Variants in B3GNT3 observed in about 807,000 individuals in gnomAD.
B3GNT3 encodes UDP-GlcNAc:betaGal beta-1,3-N-acetylglucosaminyltransferase 3, also known as N-acetyllactosaminide beta-1,3-N-acetylglucosaminyltransferase 3.
Under a neutral mutation model 11.6 loss-of-function variants are expected in B3GNT3, and 7 were observed. That is an observed-to-expected ratio of 0.60 (90% CI 0.34 to 1.13). The LOEUF is 1.13. B3GNT3 is among the 50% of genes most tolerant of loss of function. B3GNT3 has a pLI of 0.03. For synonymous variants in B3GNT3, 201 were observed against 222.1 expected (o/e 0.90, Z 0.85); for missense variants, 400 against 507.4 (o/e 0.79, Z 2.03).
chr19:17,808,062 G>A lies in B3GNT3; in HGVS notation c.255G>A (p.Leu85=). 1 of 1,611,110 alleles carries A rather than the reference G, an allele frequency of 6.2e-7. No homozygotes were observed. The highest frequency in any genetic ancestry group is 8.5e-7 in the Non-Finnish European group (1 of 1,179,692). ...CGCAGCACGTTCAGAACTTCCTCCTGTACAGACACTGCCGCCACTTTCCCC... is the reference window on the plus strand; with the variant it reads ...CGCAGCACGTTCAGAACTTCCTCCTATACAGACACTGCCGCCACTTTCCCC... The part of the protein sequence containing the change: ...TQPQHVQNFL[L]YRHCRHFPLL... The change falls in exon 2 of 3, where the codon CTG becomes CTA. Residue 85 remains leucine (L), a synonymous_variant. Transcript: ENST00000318683.
At chr19:17,807,643 G>C (rs148236192) in intron 1 of B3GNT3, 115 bp from the exon 2 acceptor site, 1 of 656,070 alleles carries the variant, frequency 1.5e-6, no homozygotes, top group Non-Finnish European at 2.6e-6. Context: ...TAAGTGGGGG[G>C]TGAATTTCAA....
In B3GNT3 at chr19:17,807,804, C is replaced by A; in HGVS notation, c.-4C>A. 1 of 1,602,370 alleles carries A rather than the reference C, an allele frequency of 6.2e-7. No individual in the cohort carries two copies. The highest frequency in any genetic ancestry group is 1.3e-5 in the African/African-American group (1 of 74,854). ...AGGCCGACCCCAGACCCTGGCTGGC[C>A]AGGATGAAGTATCTCCGGCACCGGC... On this transcript the variant is annotated 5_prime_UTR_variant, in exon 2 of 3. Coordinates refer to ENST00000318683, the MANE Select transcript of B3GNT3 (RefSeq NM_014256.4).
intron 1 of B3GNT3, among the ~76,000 whole-genome samples, chr19:17,803,413 G>A (rs927697458): frequency 1.3e-5 from 2 of 152,192 alleles, no homozygotes; most frequent in Non-Finnish European, 2.9e-5. Flanking sequence ...CCCAGGCGGT[G>A]GCTTCTGGGT....
chr19:17,799,039 G>A (rs1039344214), intron 1 of B3GNT3, among the ~76,000 whole-genome samples: 3 of 152,122 alleles, frequency 2.0e-5, no homozygotes, highest in African/African-American at 4.8e-5. Context: ...AAAGGCCACT[G>A]CTTGGAGCTA....
intron 1 of B3GNT3, among the ~76,000 whole-genome samples, chr19:17,806,494 C>T (rs944391582): frequency 6.6e-6 from 1 of 152,056 alleles, no homozygotes; most frequent in Non-Finnish European, 1.5e-5. Context: ...CCTGTCTGTG[C>T]CCCAGGTGGC....
At chr19:17,795,603 G>A (rs980829638) in intron 1 of B3GNT3, among the ~76,000 whole-genome samples, 1 of 152,204 alleles carries the variant, frequency 6.6e-6, no homozygotes, top group Non-Finnish European at 1.5e-5. Flanking sequence ...GGGGTCCCCG[G>A]TTGGGTTTGG....
intron 1 of B3GNT3, among the ~76,000 whole-genome samples, chr19:17,805,400 A>T (rs2094171913): frequency 6.6e-6 from 1 of 152,044 alleles, no homozygotes; most frequent in Admixed American, 6.6e-5. Flanking sequence ...TGCCCAGCCC[A>T]CAGGGGACTT....
intron 1 of B3GNT3, among the ~76,000 whole-genome samples, chr19:17,802,836 C>T (rs1268244324): frequency 6.6e-6 from 1 of 151,936 alleles, no homozygotes; most frequent in Non-Finnish European, 1.5e-5. Context: ...CACCACCATA[C>T]TCAGCTAATT....
chr19:17,811,173 C>T lies in B3GNT3; in HGVS notation c.568-398C>T, dbSNP rs933293043. On this transcript the variant is annotated intron_variant, in intron 2 of 2. Transcript: ENST00000318683. This position sits in a 1 kb window ranked among gnomAD's most constrained non-coding sequence, Gnocchi z 4.1. ...AGGCTGCAATGAACTATGATCATAG[C>T]GCTACACTCTAGCCTGGGCAATAGA... Among the ~76,000 whole-genome samples, 7 of 152,234 alleles carry T rather than the reference C, an allele frequency of 4.6e-5. No individual in the cohort carries two copies. The highest frequency in any genetic ancestry group is 3.4e-3 in the Middle Eastern group (1 of 294).
chr19:17,798,746 G>A (rs2094162363), intron 1 of B3GNT3, among the ~76,000 whole-genome samples: 1 of 151,952 alleles, frequency 6.6e-6, no homozygotes, highest in Non-Finnish European at 1.5e-5. Flanking sequence ...AGGCTGAGGT[G>A]GGAGGATCAC....
chr19:17,807,961 C>CCCCG lies in B3GNT3; in HGVS notation c.155_156insCCGC (p.Pro53ArgfsTer51). The CCCCG allele has an allele frequency of 6.2e-7, 1 of 1,611,402 alleles. No homozygotes were observed. Among genetic ancestry groups the CCCCG allele is most frequent in the Non-Finnish European group, 8.5e-7 (1 of 1,178,664 alleles). On this transcript the variant is annotated frameshift_variant, in exon 2 of 3. Transcript: ENST00000318683. LOFTEE classifies it high-confidence loss of function. Reference sequence around the variant, plus strand: ...CCCCGAGGCCCTGGCCTGGCCCACTCCACCCACCCGCCCAGCCCCGGCCCC... The same window carrying CCCCG: ...CCCCGAGGCCCTGGCCTGGCCCACTCCCCGCACCCACCCGCCCAGCCCCGGCCCC...
intron 1 of B3GNT3, among the ~76,000 whole-genome samples, chr19:17,803,076 G>A (rs2094168324): frequency 6.6e-6 from 1 of 151,944 alleles, no homozygotes; most frequent in Non-Finnish European, 1.5e-5. Flanking sequence ...CACGATCTCG[G>A]CTCACTGCAA....
chr19:17,810,645 G>A (rs1053794155), intron 2 of B3GNT3, among the ~76,000 whole-genome samples: 1 of 152,056 alleles, frequency 6.6e-6, no homozygotes, highest in South Asian at 2.1e-4. Context: ...ACTTTGGGAG[G>A]CTGAGGCAGG....
At chr19:17,799,302 TC>T (rs2094163083) in intron 1 of B3GNT3, among the ~76,000 whole-genome samples, 1 of 142,440 alleles carries the variant, frequency 7.0e-6, no homozygotes, top group African/African-American at 2.7e-5. Context: ...AGATGGAGTC[TC>T]ATTTACCCGG....
At chr19:17,807,642 G>T in intron 1 of B3GNT3, 116 bp from the exon 2 acceptor site, 1 of 648,602 alleles carries the variant, frequency 1.5e-6, no homozygotes, top group Non-Finnish European at 2.6e-6. Context: ...TTAAGTGGGG[G>T]GTGAATTTCA....
chr19:17,802,431 C>T (rs997341182), intron 1 of B3GNT3, among the ~76,000 whole-genome samples: 1 of 152,172 alleles, frequency 6.6e-6, no homozygotes, highest in African/African-American at 2.4e-5. Context: ...ATAAGATGCC[C>T]AGCCCTGGGG....
At chr19:17,799,945 G>T (rs543314329) in intron 1 of B3GNT3, among the ~76,000 whole-genome samples, 1 of 152,052 alleles carries the variant, frequency 6.6e-6, no homozygotes, top group African/African-American at 2.4e-5. Flanking sequence ...GACATCCCCC[G>T]CCCCCTGTGC....
Position 17,807,960 on chromosome 19 carries a change from T to TCCCGCCCCCCCCC in B3GNT3, c.155_156insCGCCCCCCCCCCC (p.Pro53AlafsTer54). 6.2e-7 allele frequency: 1 copy of TCCCGCCCCCCCCC among 1,609,546 alleles called. No individual in the cohort carries two copies. Among genetic ancestry groups the TCCCGCCCCCCCCC allele is most frequent in the Non-Finnish European group, 8.5e-7 (1 of 1,178,128 alleles). ...TCCCCGAGGCCCTGGCCTGGCCCAC[T>TCCCGCCCCCCCCC]CCACCCACCCGCCCAGCCCCGGCCC... On this transcript the variant is annotated frameshift_variant, in exon 2 of 3. Transcript: ENST00000318683. LOFTEE classifies it high-confidence loss of function.
chr19:17,796,457 ACTCCTGC>A (rs1290103309), intron 1 of B3GNT3, among the ~76,000 whole-genome samples: 4 of 151,572 alleles, frequency 2.6e-5, no homozygotes, highest in African/African-American at 9.7e-5. Context: ...TGGGCGGGGG[ACTCCTGC>A]AGTCCAGATC....
Sources: gnomAD v4.1 joint callset for allele counts (sites outside exome capture counted in the v4.1 genomes callset) on GRCh38, gnomAD v4.1.1 for gene constraint, Gnocchi (gnomAD v3.1) non-coding constraint, MANE v1.5 for transcripts, NCBI Gene and HGNC (gene_info 2026-07-23, HGNC 2026-07-21) for gene names.